Variants in ELMO1 observed in about 807,000 individuals in gnomAD.
The protein encoded by ELMO1 is engulfment and cell motility protein 1.
Under a neutral mutation model 98.9 loss-of-function variants are expected in ELMO1, and 26 were observed. That is an observed-to-expected ratio of 0.26 (90% confidence interval 0.19 to 0.36). The LOEUF is 0.36. Ranked by LOEUF, ELMO1 falls within the 10% of genes least tolerant of loss-of-function variation. The pLI is 1.00. For synonymous variants in ELMO1, 346 were observed against 346.0 expected, an observed-to-expected ratio of 1.00 and a Z score of 0.00; for missense variants, 627 against 935.2, an observed-to-expected ratio of 0.67 and a Z score of 4.30.
At chr7:37,363,339 C>A (rs1213135572) in intron 1 of ELMO1, among the ~76,000 whole-genome samples, 1 of 152,142 alleles carries the variant, frequency 6.6e-6, no homozygotes, top group Admixed American at 6.5e-5. Context: ...AAAGTCGAAA[C>A]CACAAAGACT....
At chr7:36,902,430 T>A (rs192069783) in intron 16 of ELMO1, among the ~76,000 whole-genome samples, 59 of 152,346 alleles carry the variant, frequency 3.9e-4, no homozygotes, top group Non-Finnish European at 7.6e-4. Context: ...CCAAAGCCAG[T>A]GCTGTGCTTA....
At chr7:37,412,661 C>T (rs564829509) in intron 1 of ELMO1, among the ~76,000 whole-genome samples, 1 of 152,068 alleles carries the variant, frequency 6.6e-6, no homozygotes, top group African/African-American at 2.4e-5. Context: ...AAAGGTGAAC[C>T]CTCTTCCCCT....
intron 13 of ELMO1, among the ~76,000 whole-genome samples, chr7:37,198,352 T>C (rs896869860): frequency 1.3e-5 from 2 of 152,214 alleles, no homozygotes; most frequent in South Asian, 2.1e-4. Context: ...TGCAGACTCA[T>C]TTCCACCATC....
intron 1 of ELMO1, among the ~76,000 whole-genome samples, chr7:37,392,444 C>A (rs1803121386): frequency 6.6e-6 from 1 of 152,240 alleles, no homozygotes; most frequent in Non-Finnish European, 1.5e-5. Flanking sequence ...AACTTGGTGA[C>A]AACCTAGCTG....
rs1021741225 is a variant in ELMO1 at position 37,371,679 on chromosome 7, C to T, written c.-73-28916G>A. Among the ~76,000 whole-genome samples the T allele has an allele frequency of 4.6e-5, 7 of 152,266 alleles. No individual in the cohort carries two copies. The South Asian group carries it at 1.0e-3, about 23-fold the overall frequency. On this transcript the variant is annotated intron_variant, in intron 1 of 21. Transcript: ENST00000310758. ...TTCTTTCCTAAAGAAGTCAGGCGCA[C>T]ATTTTCTACTAAGGTAGAGTTTAGT...
At chr7:36,966,762 C>T (rs1562863353) in intron 16 of ELMO1, among the ~76,000 whole-genome samples, 1 of 152,168 alleles carries the variant, frequency 6.6e-6, no homozygotes, top group Admixed American at 6.5e-5. Context: ...GAAACTTTGA[C>T]CATAAGACAA....
chr7:37,002,588 A>G (rs1327354041), intron 16 of ELMO1, among the ~76,000 whole-genome samples: 2 of 152,260 alleles, frequency 1.3e-5, no homozygotes, highest in African/African-American at 2.4e-5. Flanking sequence ...GCTCTATGAC[A>G]GCAGGAACCA....
intron 15 of ELMO1, among the ~76,000 whole-genome samples, chr7:37,019,445 C>CTGCT (rs751381102): frequency 8.5e-5 from 13 of 152,214 alleles, no homozygotes; most frequent in Non-Finnish European, 1.5e-4. Context: ...GTGACTAAGA[C>CTGCT]AGCAAGCTCA....
intron 1 of ELMO1, among the ~76,000 whole-genome samples, chr7:37,385,458 G>A (rs1279636856): frequency 6.6e-6 from 1 of 152,106 alleles, no homozygotes; most frequent in African/African-American, 2.4e-5. Flanking sequence ...CTTCACTCCG[G>A]TTTCCATTCA....
At position 37,124,818 on chromosome 7, in the gene ELMO1, A is replaced by G. The variant is rs7785992; in HGVS notation, c.1191+8312T>C. Reference sequence around the variant, plus strand: ...TTCATATGGAACCAAAAAAGAGCCCACATTGCCAAGTCAATCCTGAGCCAA... The same window carrying G: ...TTCATATGGAACCAAAAAAGAGCCCGCATTGCCAAGTCAATCCTGAGCCAA... On this transcript the variant is annotated intron_variant, in intron 14 of 21. Coordinates refer to ENST00000310758, the MANE Select transcript of ELMO1 (RefSeq NM_014800.11). 1.1e-3 allele frequency among the ~76,000 whole-genome samples: 172 copies of G among 152,086 alleles called. 1 individual carries two copies. Among genetic ancestry groups the G allele is most frequent in the African/African-American group, 3.7e-3 (154 of 41,496 alleles).
chr7:37,046,378 T>C (rs1232635152), intron 15 of ELMO1, among the ~76,000 whole-genome samples: 1 of 152,202 alleles, frequency 6.6e-6, no homozygotes, highest in African/African-American at 2.4e-5. Flanking sequence ...CCCAAGATAC[T>C]AGTCCTCAGT....
intron 15 of ELMO1, among the ~76,000 whole-genome samples, chr7:37,039,249 C>T (rs575258766): frequency 1.2e-4 from 19 of 152,272 alleles, no homozygotes; most frequent in Non-Finnish European, 2.4e-4. Flanking sequence ...TTATGACATG[C>T]CATGGTTTGA....
intron 14 of ELMO1, among the ~76,000 whole-genome samples, chr7:37,126,670 CAAAT>C (rs1397447328): frequency 6.6e-6 from 1 of 152,126 alleles, no homozygotes; most frequent in African/African-American, 2.4e-5. Context: ...AAGTAAAAAA[CAAAT>C]AAACAAATAC....
At chr7:37,074,387 T>C (rs888411118) in intron 15 of ELMO1, among the ~76,000 whole-genome samples, 3 of 152,130 alleles carry the variant, frequency 2.0e-5, no homozygotes, top group African/African-American at 7.2e-5. Flanking sequence ...CTTAAAATGG[T>C]GTTAGAATAT....
chr7:36,978,988 C>A (rs1198252477), intron 16 of ELMO1, among the ~76,000 whole-genome samples: 1 of 152,008 alleles, frequency 6.6e-6, no homozygotes, highest in Non-Finnish European at 1.5e-5. Flanking sequence ...TATTTTTATC[C>A]AGGAGAAAAA....
At chr7:37,087,457 A>G (rs1203271840) in intron 15 of ELMO1, among the ~76,000 whole-genome samples, 5 of 152,094 alleles carry the variant, frequency 3.3e-5, no homozygotes, top group Non-Finnish European at 2.9e-5. Flanking sequence ...TTTTAATGAT[A>G]AGAGTGTGTC....
intron 16 of ELMO1, among the ~76,000 whole-genome samples, chr7:36,917,097 G>A (rs1425711887): frequency 6.6e-6 from 1 of 152,180 alleles, no homozygotes; most frequent in African/African-American, 2.4e-5. Flanking sequence ...ATGTTTTAGT[G>A]CAAATAATAC....
chr7:37,363,300 C>A (rs983339573), intron 1 of ELMO1, among the ~76,000 whole-genome samples: 1 of 152,122 alleles, frequency 6.6e-6, no homozygotes, highest in South Asian at 2.1e-4. Flanking sequence ...CTTGCAAGAG[C>A]CCTTAGATCT....
chr7:36,878,627 T>C (rs1310969073), intron 18 of ELMO1, among the ~76,000 whole-genome samples: 2 of 152,176 alleles, frequency 1.3e-5, no homozygotes, highest in African/African-American at 2.4e-5. Context: ...CATGAACGAA[T>C]TGTTAGGACA....
Sources: allele counts gnomAD v4.1 joint callset (sites outside exome capture counted in the v4.1 genomes callset), GRCh38; gene constraint gnomAD v4.1.1; transcripts MANE v1.5; gene names NCBI Gene and HGNC (gene_info 2026-07-23, HGNC 2026-07-21).